LRRTM4: variants seen among roughly 807,000 people sequenced by gnomAD.
LRRTM4 encodes leucine rich repeat transmembrane neuronal 4.
A neutral mutation model predicts 47.6 loss-of-function variants in LRRTM4; 25 were observed. The ratio of observed to expected loss-of-function variants is 0.53; its 90% CI spans 0.38 to 0.73. The LOEUF (loss-of-function observed/expected upper bound fraction) is 0.73. LRRTM4 is among the 30% of genes least tolerant of loss of function. The pLI, the probability that LRRTM4 is intolerant of heterozygous loss-of-function variation, is 0.00. For synonymous variants in LRRTM4, 311 were observed against 269.5 expected, an observed-to-expected ratio of 1.15 and a Z score of -1.51; for missense variants, 638 against 713.4, an observed-to-expected ratio of 0.89 and a Z score of 1.20.
intron 3 of LRRTM4, among the ~76,000 whole-genome samples, chr2:76,870,898 C>G (rs1329692122): frequency 6.6e-6 from 1 of 152,156 alleles, no homozygotes; most frequent in South Asian, 2.1e-4. Context: ...AATTCTTCAA[C>G]TCAGCCAATC....
chr2:77,286,454 A>C (rs904517838), intron 3 of LRRTM4, among the ~76,000 whole-genome samples: 2 of 151,932 alleles, frequency 1.3e-5, no homozygotes, highest in Non-Finnish European at 2.9e-5. Flanking sequence ...AAAATTCATA[A>C]AACTAGCCTA....
At chr2:76,847,673 AATG>A (rs1172101747) in intron 3 of LRRTM4, among the ~76,000 whole-genome samples, 4 of 152,070 alleles carry the variant, frequency 2.6e-5, no homozygotes, top group Non-Finnish European at 2.9e-5. Flanking sequence ...TTTCATTTAT[AATG>A]ATATTCCATT....
At chr2:77,451,914 T>A (rs984755177) in intron 3 of LRRTM4, among the ~76,000 whole-genome samples, 1 of 152,202 alleles carries the variant, frequency 6.6e-6, no homozygotes, top group Non-Finnish European at 1.5e-5. Flanking sequence ...GTTCAGAGGC[T>A]GAATCACCAA....
intron 3 of LRRTM4, among the ~76,000 whole-genome samples, chr2:77,035,614 AT>A (rs1452868407): frequency 6.6e-6 from 1 of 151,934 alleles, no homozygotes; most frequent in Non-Finnish European, 1.5e-5. Context: ...TATTTCAATA[AT>A]TTTATAAATA....
chr2:77,331,869 G>A (rs1280978482), intron 3 of LRRTM4, among the ~76,000 whole-genome samples: 2 of 152,232 alleles, frequency 1.3e-5, no homozygotes, highest in African/African-American at 4.8e-5. Context: ...ATGTGCAATG[G>A]TGGTTGGATA....
intron 3 of LRRTM4, among the ~76,000 whole-genome samples, chr2:77,064,968 ACT>A (rs1355121250): frequency 3.3e-5 from 5 of 152,018 alleles, no homozygotes; most frequent in African/African-American, 1.2e-4. Context: ...ATATTATATG[ACT>A]CTGATAAGAC....
At chr2:77,145,804 T>TAAAA (rs1327984085) in intron 3 of LRRTM4, among the ~76,000 whole-genome samples, 1 of 149,574 alleles carries the variant, frequency 6.7e-6, no homozygotes, top group South Asian at 2.1e-4. Flanking sequence ...AATAAATAAA[T>TAAAA]AAAATAAAAA....
intron 3 of LRRTM4, among the ~76,000 whole-genome samples, chr2:77,033,431 T>G (rs983125052): frequency 2.7e-4 from 41 of 149,720 alleles, no homozygotes; most frequent in Admixed American, 2.5e-3. Context: ...TGCATAGTTT[T>G]TTTTACTCTT....
chr2:77,140,496 A>G (rs886968872), intron 3 of LRRTM4, among the ~76,000 whole-genome samples: 28 of 152,204 alleles, frequency 1.8e-4, no homozygotes, highest in Non-Finnish European at 2.6e-4. Flanking sequence ...AAAGACTTAC[A>G]TGTTACACCT....
chr2:76,999,444 CA>C (rs143101062), intron 3 of LRRTM4, among the ~76,000 whole-genome samples: 6,421 of 137,908 alleles, frequency 0.047, 453 homozygotes, highest in African/African-American at 0.16. Flanking sequence ...CAAAAGGAAA[CA>C]AAACAAAAAA....
intron 3 of LRRTM4, among the ~76,000 whole-genome samples, chr2:77,369,309 T>C (rs1195148668): frequency 6.6e-6 from 1 of 151,738 alleles, no homozygotes; most frequent in Non-Finnish European, 1.5e-5. Flanking sequence ...CATTTATTTA[T>C]TTTTGCTTTT....
chr2:77,149,076 C>A (rs1422330106), intron 3 of LRRTM4, among the ~76,000 whole-genome samples: 2 of 152,098 alleles, frequency 1.3e-5, no homozygotes, highest in African/African-American at 2.4e-5. Flanking sequence ...TGCCAAGAAT[C>A]AAGACCTGTA....
intron 3 of LRRTM4, among the ~76,000 whole-genome samples, chr2:77,282,898 T>C (rs1346382355): frequency 1.3e-5 from 2 of 151,734 alleles, no homozygotes; most frequent in African/African-American, 4.8e-5. Context: ...ATCCTAGAAG[T>C]AAACTTAAGT....
intron 3 of LRRTM4, among the ~76,000 whole-genome samples, chr2:77,163,752 C>G (rs1672798212): frequency 6.6e-6 from 1 of 152,120 alleles, no homozygotes; most frequent in Non-Finnish European, 1.5e-5. Flanking sequence ...TACAGAAGAG[C>G]AAATGCTGAG....
At chr2:77,323,390 T>C (rs968470115) in intron 3 of LRRTM4, among the ~76,000 whole-genome samples, 12 of 152,108 alleles carry the variant, frequency 7.9e-5, no homozygotes, top group African/African-American at 2.4e-4. Context: ...GGGAGAAAAC[T>C]TGAATGCTGA....
intron 3 of LRRTM4, among the ~76,000 whole-genome samples, chr2:77,096,785 G>A (rs1326022993): frequency 6.6e-6 from 1 of 151,416 alleles, no homozygotes; most frequent in African/African-American, 2.4e-5. Context: ...TTCAAAAGGA[G>A]GAATAATTAA....
intron 3 of LRRTM4, among the ~76,000 whole-genome samples, chr2:77,358,524 A>G (rs1271616089): frequency 6.6e-6 from 1 of 152,216 alleles, no homozygotes; most frequent in Non-Finnish European, 1.5e-5. Context: ...AAGTTTCAAC[A>G]TGAGATTTGG....
intron 3 of LRRTM4, among the ~76,000 whole-genome samples, chr2:77,110,985 T>C (rs999512482): frequency 2.6e-5 from 4 of 152,234 alleles, no homozygotes; most frequent in African/African-American, 9.6e-5. Flanking sequence ...TGTCTTTTGG[T>C]ATAAACATGG....
intron 3 of LRRTM4, among the ~76,000 whole-genome samples, chr2:77,090,131 A>G (rs943961550): frequency 6.6e-6 from 1 of 151,248 alleles, no homozygotes; most frequent in Non-Finnish European, 1.5e-5. Flanking sequence ...TCTTTTTATC[A>G]CCTCCCCTCC....
Sources: gnomAD v4.1 joint callset for allele counts (sites outside exome capture counted in the v4.1 genomes callset) on GRCh38, gnomAD v4.1.1 for gene constraint, MANE v1.5 for transcripts, NCBI Gene and HGNC (gene_info 2026-07-23, HGNC 2026-07-21) for gene names.